Variants in NCAM1 observed in about 807,000 individuals in gnomAD.
NCAM1 encodes the protein antigen recognized by monoclonal antibody 5.1H11.
In NCAM1, 14 loss-of-function variants were observed where a neutral mutation model predicts 109.8. The ratio of observed to expected loss-of-function variants is 0.13; its 90% CI spans 0.08 to 0.20. The LOEUF (loss-of-function observed/expected upper bound fraction) is 0.20. Among genes scored for constraint, NCAM1 ranks in the 10% least tolerant of loss-of-function variants. NCAM1 has a pLI of 1.00. For missense variants in NCAM1, 774 were observed against 1,109.9 expected (o/e 0.70, Z 4.30); for synonymous variants, 418 against 442.9 (o/e 0.94, Z 0.70).
At chr11:113,214,659 C>G in intron 8 of NCAM1, 148 bp downstream of exon 8, 1 of 836,380 alleles carries the variant, frequency 1.2e-6, no homozygotes, top group Admixed American at 2.9e-5. Flanking sequence ...CCTCCCCAAC[C>G]CTGCAGGACA....
At chr11:113,167,856 C>T (rs1942856780) in intron 1 of NCAM1, among the ~76,000 whole-genome samples, 3 of 152,146 alleles carry the variant, frequency 2.0e-5, no homozygotes, top group African/African-American at 4.8e-5. Context: ...TAATAGCAAG[C>T]GAGATGGCGG....
At chr11:113,236,306 C>T in intron 14 of NCAM1, 1 of 1,613,636 alleles carries the variant, frequency 6.2e-7, no homozygotes, top group Non-Finnish European at 8.5e-7. Flanking sequence ...TGCAGATAGC[C>T]CTCCTCCACG....
chr11:113,263,395 G>A (rs1946061225), intron 17 of NCAM1: 1 of 988,940 alleles, frequency 1.0e-6, no homozygotes, highest in African/African-American at 1.7e-5. Context: ...AATTGGCTTT[G>A]CTTGCAATTA....
intron 1 of NCAM1, among the ~76,000 whole-genome samples, chr11:113,166,281 C>A (rs1234122143): frequency 6.6e-5 from 10 of 152,188 alleles, no homozygotes; most frequent in African/African-American, 2.2e-4. Context: ...TAGCTGCCTT[C>A]CAGCATAGTT....
intron 8 of NCAM1, among the ~76,000 whole-genome samples, chr11:113,218,175 GC>G (rs1267976232): frequency 6.6e-6 from 1 of 152,206 alleles, no homozygotes; most frequent in African/African-American, 2.4e-5. Context: ...ATTTGTATTA[GC>G]TGTTGCTTCC....
At chr11:113,171,056 A>G (rs1942972285) in intron 1 of NCAM1, among the ~76,000 whole-genome samples, 1 of 152,176 alleles carries the variant, frequency 6.6e-6, no homozygotes, top group Non-Finnish European at 1.5e-5. Flanking sequence ...GAGAAAGTGG[A>G]TTAATGAGTG....
At chr11:113,154,612 G>A (rs1266273610) in intron 1 of NCAM1, among the ~76,000 whole-genome samples, 1 of 152,074 alleles carries the variant, frequency 6.6e-6, no homozygotes, top group African/African-American at 2.4e-5. Context: ...ATTCATATCC[G>A]TGTACTAGTG....
intron 1 of NCAM1, among the ~76,000 whole-genome samples, chr11:113,032,716 G>A (rs782218540): frequency 1.3e-5 from 2 of 152,088 alleles, no homozygotes; most frequent in Non-Finnish European, 2.9e-5. Context: ...AGAAGTGTTC[G>A]AGACTTACAG....
At chr11:113,074,016 T>C (rs1197590410) in intron 1 of NCAM1, among the ~76,000 whole-genome samples, 1 of 152,224 alleles carries the variant, frequency 6.6e-6, no homozygotes, top group East Asian at 1.9e-4. Context: ...CAGAGAAGCA[T>C]TTGTAATGAA....
intron 7 of NCAM1, among the ~76,000 whole-genome samples, chr11:113,211,387 C>T (rs1555113641): frequency 6.6e-6 from 1 of 152,188 alleles, no homozygotes; most frequent in Non-Finnish European, 1.5e-5. Context: ...CAATTAGAGA[C>T]TTTATGACAT....
intron 8 of NCAM1, among the ~76,000 whole-genome samples, chr11:113,215,528 C>T (rs1378482435): frequency 2.0e-5 from 3 of 152,084 alleles, no homozygotes; most frequent in Non-Finnish European, 2.9e-5. Flanking sequence ...AAATAAAGCC[C>T]GAAAGGATAG....
chr11:113,054,609 G>A (rs1555082251), intron 1 of NCAM1, among the ~76,000 whole-genome samples: 1 of 152,196 alleles, frequency 6.6e-6, no homozygotes, highest in Admixed American at 6.5e-5. Flanking sequence ...CTAAAGAGAG[G>A]CCTGAGAGAG....
intron 1 of NCAM1, among the ~76,000 whole-genome samples, chr11:113,096,563 A>G (rs1233540335): frequency 2.0e-5 from 3 of 152,122 alleles, no homozygotes; most frequent in African/African-American, 4.8e-5. Context: ...AACCCTGAGT[A>G]TGTTTTCTAA....
At chr11:113,177,367 T>C (rs1447903950) in intron 1 of NCAM1, among the ~76,000 whole-genome samples, 1 of 152,180 alleles carries the variant, frequency 6.6e-6, no homozygotes, top group African/African-American at 2.4e-5. Flanking sequence ...AAGATGGGAT[T>C]TGTTTTCGCC....
chr11:113,142,965 T>C (rs1555100749), intron 1 of NCAM1, among the ~76,000 whole-genome samples: 1 of 152,196 alleles, frequency 6.6e-6, no homozygotes, highest in Non-Finnish European at 1.5e-5. Context: ...TATACTTCTT[T>C]TTCTGAAAAT....
At chr11:113,122,013 G>A (rs2136044387) in intron 1 of NCAM1, among the ~76,000 whole-genome samples, 1 of 152,260 alleles carries the variant, frequency 6.6e-6, no homozygotes, top group South Asian at 2.1e-4. Flanking sequence ...GATGGAATCA[G>A]TGAAGAAAGC....
intron 19 of NCAM1, chr11:113,272,886 G>A (rs890697526): frequency 3.9e-5 from 18 of 456,312 alleles, no homozygotes; most frequent in Middle Eastern, 6.5e-4. Flanking sequence ...TCTCTGTCAC[G>A]TCTCAGCTTC....
intron 15 of NCAM1, among the ~76,000 whole-genome samples, chr11:113,253,469 C>G (rs1046780588): frequency 1.3e-5 from 2 of 152,090 alleles, no homozygotes; most frequent in Non-Finnish European, 1.5e-5. Flanking sequence ...GACAACAGAG[C>G]TGGAAGGAGC....
intron 2 of NCAM1, 139 bp downstream of exon 2, chr11:113,202,592 G>A (rs1412381434): frequency 6.1e-6 from 4 of 657,476 alleles, no homozygotes; most frequent in African/African-American, 1.9e-5. Flanking sequence ...AGGGTCAATA[G>A]TATGGCCATT....
Sources: gnomAD v4.1 joint callset for allele counts (sites outside exome capture counted in the v4.1 genomes callset) on GRCh38, gnomAD v4.1.1 for gene constraint, MANE v1.5 for transcripts, NCBI Gene and HGNC (gene_info 2026-07-23, HGNC 2026-07-21) for gene names.